The following ZNF534 variants were observed in gnomAD, a reference collection of about 807,000 sequenced individuals.
ZNF534 encodes KRAB domain only 3.
In ZNF534, 19 loss-of-function variants were observed where a neutral mutation model predicts 13.6. The observed-to-expected ratio is 1.40, with a 90% CI of 0.97 to 2.05. The LOEUF is 2.05. Among genes scored for constraint, ZNF534 ranks in the 30% most tolerant of loss-of-function variants. The pLI, the probability that ZNF534 is intolerant of heterozygous loss-of-function variation, is 0.00. For missense variants in ZNF534, 782 were observed against 796.3 expected (o/e 0.98, Z 0.22); for synonymous variants, 244 against 273.8 (o/e 0.89, Z 1.07).
At chr19:52,432,908 G>T (rs535666757) in intron 2 of ZNF534, among the ~76,000 whole-genome samples, 2 of 152,186 alleles carry the variant, frequency 1.3e-5, no homozygotes, top group East Asian at 3.9e-4. Flanking sequence ...GGGATTACAG[G>T]TGTGAGCCAC....
chr19:52,442,221 T>G lies in ZNF534; in HGVS notation c.*2775T>G, dbSNP rs1472253384. Among the ~76,000 whole-genome samples the G allele has an allele frequency of 6.6e-6, 1 of 152,208 alleles. No homozygotes were observed. Among genetic ancestry groups the G allele is most frequent in the Non-Finnish European group, 1.5e-5 (1 of 68,030 alleles). ...AAAATCTCTGTAGGACTGTGACATG[T>G]TCTTGATGGGCATGACACCCATGCT... On this transcript the variant is annotated 3_prime_UTR_variant, in exon 5 of 5. Coordinates refer to ENST00000433050, the MANE Select transcript of ZNF534 (RefSeq NM_001143938.3).
exon 5 of ZNF534, chr19:52,451,389 C>T: frequency 1.2e-6 from 1 of 818,136 alleles, no homozygotes; most frequent in Non-Finnish European, 2.1e-6. Context: ...AGGGCCGAGG[C>T]CACGGGACTC....
At chr19:52,433,871 G>A in intron 2 of ZNF534, 84 bp from the exon 3 acceptor site, 2 of 1,520,668 alleles carry the variant, frequency 1.3e-6, no homozygotes, top group Non-Finnish European at 1.8e-6. Context: ...TCAGTGGAGT[G>A]AGTCCTTACA....
At chr19:52,442,694 A>G (rs1016093175), downstream of ZNF534, among the ~76,000 whole-genome samples, 1 of 152,178 alleles carries the variant, frequency 6.6e-6, no homozygotes, top group African/African-American at 2.4e-5. Context: ...ACCTCCTCCT[A>G]CAGGCCTTTC....
intron 2 of ZNF534, among the ~76,000 whole-genome samples, chr19:52,433,236 CAAAA>C (rs1171627054): frequency 3.1e-5 from 2 of 64,614 alleles, no homozygotes; most frequent in Admixed American, 2.0e-4. Flanking sequence ...GATCCTATCT[CAAAA>C]AAAAAAAAAA....
At chr19:52,451,903 A>G in exon 5 of ZNF534, 1 of 573,084 alleles carries the variant, frequency 1.7e-6, no homozygotes, top group Non-Finnish European at 3.3e-6. Flanking sequence ...GATGACACCA[A>G]AAGGGGATCA....
In ZNF534 at chr19:52,438,298, A is replaced by G. The variant is rs1477916939; in HGVS notation, c.838A>G (p.Ser280Gly). The G allele has an allele frequency of 6.2e-7, 1 of 1,606,002 alleles. No individual in the cohort carries two copies. Among genetic ancestry groups the G allele is most frequent in the Admixed American group, 1.7e-5 (1 of 59,814 alleles). ...YNNKECGKVF[S>G]HHAYLAQHRK... Reference sequence around the variant, plus strand: ...TAACAAAGAATGTGGGAAAGTCTTTAGTCACCATGCCTACCTTGCACAGCA... The same window carrying G: ...TAACAAAGAATGTGGGAAAGTCTTTGGTCACCATGCCTACCTTGCACAGCA... The change falls in exon 5 of 5, where the codon AGT becomes GGT. Residue 280 changes from serine to glycine, a missense_variant. Transcript: ENST00000433050.
At chr19:52,451,317 G>C in exon 5 of ZNF534, 1 of 1,155,352 alleles carries the variant, frequency 8.7e-7, no homozygotes, top group Non-Finnish European at 1.3e-6. Context: ...CCCTCGCTCT[G>C]CTACCATTTC....
intron 1 of ZNF534, among the ~76,000 whole-genome samples, chr19:52,429,452 C>G (rs377437644): frequency 8.3e-4 from 127 of 152,242 alleles, no homozygotes; most frequent in Middle Eastern, 3.4e-3. Flanking sequence ...CGGTGCCTCA[C>G]GCCTGTAATC....
chr19:52,434,730 CAA>C (rs772851558), intron 3 of ZNF534, among the ~76,000 whole-genome samples: 1 of 69,998 alleles, frequency 1.4e-5, no homozygotes. Flanking sequence ...GACTCTGTCT[CAA>C]AAAAAAAAAA....
exon 5 of ZNF534, chr19:52,451,282 G>C (rs1406847737): frequency 9.5e-7 from 1 of 1,049,052 alleles, no homozygotes; most frequent in Non-Finnish European, 1.5e-6. Context: ...AAACTTTGTG[G>C]GAAATGACTC....
At chr19:52,450,678 TTTTTTTGTTTTTG>T (rs2059210522) in intron 4 of ZNF534, among the ~76,000 whole-genome samples, 2 of 36,578 alleles carry the variant, frequency 5.5e-5, no homozygotes, top group African/African-American at 1.6e-4. Flanking sequence ...GAGTTTTTTT[TTTTTTTGTTTTTG>T]TTTTTGTTTT....
At chr19:52,445,311 C>T (rs879496419), downstream of ZNF534, among the ~76,000 whole-genome samples, 31 of 152,152 alleles carry the variant, frequency 2.0e-4, no homozygotes, top group Non-Finnish European at 3.4e-4. Flanking sequence ...ATTCTCCTGC[C>T]TCATCCTCCT....
chr19:52,450,510 CTATG>C (rs1250201549), intron 4 of ZNF534, among the ~76,000 whole-genome samples: 1 of 151,922 alleles, frequency 6.6e-6, no homozygotes, highest in Non-Finnish European at 1.5e-5. Flanking sequence ...TTCTGTTGCT[CTATG>C]TGTCTATTTT....
downstream of ZNF534, among the ~76,000 whole-genome samples, chr19:52,446,270 G>A (rs374685156): frequency 2.4e-4 from 37 of 152,236 alleles, no homozygotes; most frequent in Admixed American, 2.1e-3. Flanking sequence ...TCAATCTCAA[G>A]GCCATTCTGC....
Position 52,439,462 on chromosome 19 carries a change from G to A in ZNF534, c.*16G>A, listed in dbSNP as rs2059157197. ...GAAGCCTTAAAAATTTAGTGAAGCT[G>A]GCAGGGCGCAGTGGCTCACGTCTGT... On this transcript the variant is annotated 3_prime_UTR_variant, in exon 5 of 5. Coordinates refer to ENST00000433050, the MANE Select transcript of ZNF534 (RefSeq NM_001143938.3). 2.7e-6 allele frequency: 4 copies of A among 1,500,196 alleles called. No individual in the cohort carries two copies. The highest frequency in any genetic ancestry group is 3.6e-6 in the Non-Finnish European group (4 of 1,122,944). 92.9% of individuals were successfully genotyped at this position (1,500,196 alleles called of 1,614,324 possible).
chr19:52,435,412 A>C (rs1200389918), intron 4 of ZNF534, among the ~76,000 whole-genome samples: 1 of 152,170 alleles, frequency 6.6e-6, no homozygotes, highest in East Asian at 1.9e-4. Context: ...GAGCCACACT[A>C]TTACATAGTG....
At chr19:52,431,853 T>A (rs1231039674) in intron 2 of ZNF534, among the ~76,000 whole-genome samples, 1 of 136,054 alleles carries the variant, frequency 7.4e-6, no homozygotes, top group African/African-American at 3.1e-5. Flanking sequence ...GCATGTGGAA[T>A]TCCTTTTTTT....
chr19:52,432,806 G>T (rs1051018241), intron 2 of ZNF534, among the ~76,000 whole-genome samples: 3 of 151,798 alleles, frequency 2.0e-5, no homozygotes, highest in Admixed American at 2.0e-4. Flanking sequence ...CTCATTTTTT[G>T]TATTTAGTAG....
Sources: gnomAD v4.1 joint callset for allele counts (sites outside exome capture counted in the v4.1 genomes callset) on GRCh38, gnomAD v4.1.1 for gene constraint, MANE v1.5 for transcripts, NCBI Gene and HGNC (gene_info 2026-07-23, HGNC 2026-07-21) for gene names.